DNAH8: variants seen among roughly 807,000 people sequenced by gnomAD.
DNAH8 encodes the protein dynein axonemal heavy chain 8, also known as axonemal beta dynein heavy chain 8.
DNAH8 carries 382 observed loss-of-function variants against 562.1 expected under a neutral mutation model. That is an observed-to-expected ratio of 0.68 (90% CI 0.63 to 0.74). The LOEUF is 0.74. DNAH8 is among the 30% of genes least tolerant of loss of function. The pLI is 0.00. For synonymous variants in DNAH8, 1,881 were observed against 1,919.4 expected (o/e 0.98, Z 0.52); for missense variants, 5,203 against 5,620.4 (o/e 0.93, Z 2.37).
At chr6:38,987,179 C>T (rs1270719683) in intron 87 of DNAH8, among the ~76,000 whole-genome samples, 1 of 152,178 alleles carries the variant, frequency 6.6e-6, no homozygotes, top group Non-Finnish European at 1.5e-5. Flanking sequence ...TGGTCCAGAG[C>T]CTCCAGGGAG....
rs1296223424 is a variant in DNAH8, at chr6:39,026,672, G to T, written c.13836+5G>T. The T allele has an allele frequency of 6.2e-7, 1 of 1,612,382 alleles. No homozygotes were observed. Among genetic ancestry groups the T allele is most frequent in the Non-Finnish European group, 8.5e-7 (1 of 1,179,702 alleles). On this transcript the variant is annotated splice_donor_5th_base_variant and intron_variant, in intron 92 of 92. Transcript: ENST00000327475. ...GAGATCACGTCACCCCCTGGGGTAG[G>T]CGTTGCTGGGCAATAGCAGGGACCA... is the stretch of plus-strand genomic sequence containing the variant.
chr6:38,926,155 C>G lies in DNAH8; in HGVS notation c.11063C>G (p.Pro3688Arg), dbSNP rs1169537056. 1 of 1,613,556 alleles carries G rather than the reference C, an allele frequency of 6.2e-7. No homozygotes were observed. Among genetic ancestry groups the G allele is most frequent in the Non-Finnish European group, 8.5e-7 (1 of 1,179,774 alleles). ...KATRYPLLID[P>R]QTQGKTWIKS... Reference sequence around the variant, plus strand: ...ACCAGATACCCACTCCTCATAGACCCACAAACTCAAGGCAAAACTTGGATT... The same window carrying G: ...ACCAGATACCCACTCCTCATAGACCGACAAACTCAAGGCAAAACTTGGATT... The change falls in exon 74 of 93, where the codon CCA (proline) becomes CGA (arginine). Residue 3688 changes from proline to arginine, a missense_variant. Around this residue, in one of 6 missense-constraint regions of DNAH8, gnomAD observed 1,399 missense variants for 1,518.4 expected, o/e 0.92. Coordinates refer to ENST00000327475, the MANE Select transcript of DNAH8 (RefSeq NM_001206927.2).
chr6:38,750,627 C>A (rs1419524939), intron 9 of DNAH8, 38 bp downstream of exon 9: 2 of 1,252,682 alleles, frequency 1.6e-6, no homozygotes, highest in Admixed American at 3.6e-5. Flanking sequence ...AAACTGAGGG[C>A]AGTGGCTCGC....
chr6:38,717,346 T>G (rs1424221854), intron 1 of DNAH8, among the ~76,000 whole-genome samples: 2 of 152,154 alleles, frequency 1.3e-5, no homozygotes, highest in Non-Finnish European at 2.9e-5. Context: ...TTTTTTAAGA[T>G]AGGTTCTCAC....
rs370444645 is a variant in DNAH8, at chr6:38,928,319, G to C, written c.11119-1192G>C. 7.2e-5 allele frequency among the ~76,000 whole-genome samples: 11 copies of C among 152,230 alleles called. No homozygotes were observed. In the East Asian group the frequency reaches 1.7e-3, roughly 24 times the overall value. ...ACTGAAGATAATTATCTCCTTACTT[G>C]GGAAAGATATCACAAAAATAGAATT... On this transcript the variant is annotated intron_variant, in intron 74 of 92. Coordinates refer to ENST00000327475, the MANE Select transcript of DNAH8 (RefSeq NM_001206927.2).
At position 38,784,176 on chromosome 6, in the gene DNAH8, G is replaced by A. The variant is rs148253787; in HGVS notation, c.2395+1037G>A. 2.1e-3 allele frequency among the ~76,000 whole-genome samples: 317 copies of A among 152,286 alleles called. 3 individuals carry two copies. Among genetic ancestry groups the A allele is most frequent in the Non-Finnish European group, 3.8e-3 (257 of 68,022 alleles). On this transcript the variant is annotated intron_variant, in intron 17 of 92. Coordinates refer to ENST00000327475, the MANE Select transcript of DNAH8 (RefSeq NM_001206927.2). ...CTTTTATCAGGCCAGCTGTTTCTGG[G>A]TGCTGTGCTATATGGTAGGACCCTG...
intron 9 of DNAH8, 135 bp downstream of exon 9, chr6:38,750,724 C>A: frequency 2.3e-6 from 1 of 443,654 alleles, no homozygotes; most frequent in Non-Finnish European, 4.0e-6. Flanking sequence ...ATGGTTGTGC[C>A]ACTGCATTCC....
intron 8 of DNAH8, among the ~76,000 whole-genome samples, chr6:38,746,900 G>A (rs1000474799): frequency 6.6e-6 from 1 of 151,886 alleles, no homozygotes; most frequent in Non-Finnish European, 1.5e-5. Context: ...CTGCACTCCA[G>A]CCTGTGTGTT....
intron 48 of DNAH8, among the ~76,000 whole-genome samples, chr6:38,870,044 A>G (rs1011343073): frequency 2.0e-5 from 3 of 152,228 alleles, no homozygotes; most frequent in African/African-American, 7.2e-5. Context: ...GGCGGCAGGC[A>G]AGAGAGCATG....
At chr6:38,779,855 G>C in intron 14 of DNAH8, 111 bp from the exon 15 acceptor site, 1 of 1,057,142 alleles carries the variant, frequency 9.5e-7, no homozygotes, top group Non-Finnish European at 1.4e-6. Context: ...GACAACGAAT[G>C]AGGGCTGGTA....
chr6:38,717,945 T>C (rs544358355), intron 1 of DNAH8, among the ~76,000 whole-genome samples: 2 of 152,320 alleles, frequency 1.3e-5, no homozygotes, highest in South Asian at 4.1e-4. Flanking sequence ...AAATACCGTA[T>C]ATACACATAT....
At chr6:38,922,983 A>C (rs1695857734) in intron 71 of DNAH8, 75 bp from the exon 72 acceptor site, 1 of 1,448,488 alleles carries the variant, frequency 6.9e-7, no homozygotes, top group African/African-American at 1.4e-5. Flanking sequence ...ATGTATTTTT[A>C]TGTGTGAATA....
chr6:38,724,078 C>T (rs1290154498), intron 3 of DNAH8, among the ~76,000 whole-genome samples: 1 of 151,770 alleles, frequency 6.6e-6, no homozygotes, highest in Non-Finnish European at 1.5e-5. Context: ...ACCTTGCCTT[C>T]CGGATTCTCC....
In DNAH8 at chr6:38,722,898, A is replaced by G. The variant is rs1305759309; in HGVS notation, c.89A>G (p.Glu30Gly). Residue 30 changes from glutamate to glycine, a missense_variant, in exon 2 of 93, where the codon GAG (glutamate) becomes GGG (glycine). By Grantham distance (98) the Glu-to-Gly change is moderately conservative. Around this residue, in one of 6 missense-constraint regions of DNAH8, gnomAD observed 556 missense variants for 496.9 expected, o/e 1.12. Transcript: ENST00000327475. ...TEEAAPPRSE[E>G]EEAPRPPTVE... ...GAGGCTGCCCCTCCCCGTTCAGAAG[A>G]GGAAGAGGCCCCGCGCCCTCCGACA... is the stretch of plus-strand genomic sequence containing the variant. 6.2e-7 allele frequency: 1 copy of G among 1,612,050 alleles called. No individual in the cohort carries two copies. Among genetic ancestry groups the G allele is most frequent in the Non-Finnish European group, 8.5e-7 (1 of 1,179,534 alleles).
At chr6:38,876,179 C>T (rs762342657) in intron 53 of DNAH8, among the ~76,000 whole-genome samples, 6 of 152,170 alleles carry the variant, frequency 3.9e-5, no homozygotes. Flanking sequence ...ATACACATAA[C>T]GGATCAGCCC....
chr6:38,973,554 C>T lies in DNAH8; in HGVS notation c.12526-107C>T, dbSNP rs1167910064. ...GACATATAATTTTTAAAAATGTGTTCAAAACAGAGTATTCACATGGTTTTT... is the reference window on the plus strand; with the variant it reads ...GACATATAATTTTTAAAAATGTGTTTAAAACAGAGTATTCACATGGTTTTT... On this transcript the variant is annotated intron_variant, in intron 83 of 92. Coordinates refer to ENST00000327475, the MANE Select transcript of DNAH8 (RefSeq NM_001206927.2). 7.4e-6 allele frequency: 6 copies of T among 814,350 alleles called. No homozygotes were observed. The Admixed American group carries it at 1.0e-4, about 14-fold the overall frequency. The allele number at this position is 814,350 out of a possible 1,614,324, so 50.4% of individuals were successfully genotyped here. A position where few individuals can be genotyped will look rare whatever the true frequency, so the allele number is the denominator to read the frequency against.
intron 57 of DNAH8, among the ~76,000 whole-genome samples, chr6:38,888,472 T>A (rs984476189): frequency 6.6e-6 from 1 of 151,814 alleles, no homozygotes; most frequent in Non-Finnish European, 1.5e-5. Flanking sequence ...GAAGAAAAAA[T>A]TTTAACACAT....
At position 38,909,626 on chromosome 6, in the gene DNAH8, T is replaced by C. The variant is rs1434566606; in HGVS notation, c.9622T>C (p.Ser3208Pro). The change falls in exon 65 of 93, where the codon TCC becomes CCC. Residue 3208 changes from serine (S) to proline (P), a missense_variant. By Grantham distance (74) the Ser-to-Pro change is moderately conservative. Coordinates refer to ENST00000327475, the MANE Select transcript of DNAH8 (RefSeq NM_001206927.2). ...WPREALIAVA[S>P]YFLSDYNIVC... is the part of the protein sequence containing the mutation. ...AAGGGAGGCTCTGATTGCTGTGGCC[T>C]CCTACTTCCTTTCAGACTATAATAT... The C allele has an allele frequency of 1.2e-6, 2 of 1,614,198 alleles. No homozygotes were observed. Among genetic ancestry groups the C allele is most frequent in the South Asian group, 2.2e-5 (2 of 91,086 alleles).
intron 16 of DNAH8, 98 bp downstream of exon 16, chr6:38,781,471 C>A: frequency 7.4e-7 from 1 of 1,357,766 alleles, no homozygotes; most frequent in South Asian, 1.5e-5. Context: ...AAGTAGCCAA[C>A]AACGAGCCAA....
Sources: gnomAD v4.1 joint callset for allele counts (sites outside exome capture counted in the v4.1 genomes callset) on GRCh38, gnomAD v4.1.1 for gene constraint, gnomAD v4.1.1 regional missense constraint, MANE v1.5 for transcripts, NCBI Gene and HGNC (gene_info 2026-07-23, HGNC 2026-07-21) for gene names.